MAP3K13: variants seen among roughly 807,000 people sequenced by gnomAD.
The protein encoded by MAP3K13 is mitogen-activated protein kinase kinase kinase 13.
In MAP3K13, 52 loss-of-function variants were observed where a neutral mutation model predicts 104.0. The ratio of observed to expected loss-of-function variants is 0.50; its 90% confidence interval spans 0.40 to 0.63. The LOEUF is 0.63. Among genes scored for constraint, MAP3K13 ranks in the 20% least tolerant of loss-of-function variants. MAP3K13 has a pLI of 0.00. For synonymous variants in MAP3K13, 394 were observed against 442.2 expected (o/e 0.89, Z 1.37); for missense variants, 914 against 1,218.5 (o/e 0.75, Z 3.72).
At chr3:185,446,946 T>C (rs906717004) in intron 4 of MAP3K13, among the ~76,000 whole-genome samples, 5 of 152,192 alleles carry the variant, frequency 3.3e-5, no homozygotes, top group African/African-American at 1.2e-4. Flanking sequence ...TCCAAAACTC[T>C]TGAAGCAAGA....
chr3:185,327,299 C>G (rs1722072233), intron 2 of MAP3K13, among the ~76,000 whole-genome samples: 1 of 152,190 alleles, frequency 6.6e-6, no homozygotes, highest in Non-Finnish European at 1.5e-5. Context: ...TTGGACTCCT[C>G]CGGATAATCT....
rs201316902 is a variant in MAP3K13, at chr3:185,450,701, G to A, written c.1170-586G>A. On this transcript the variant is annotated intron_variant, in intron 6 of 13. Transcript: ENST00000265026. This position sits in a 1 kb window ranked among gnomAD's most constrained non-coding sequence, Gnocchi z 4.2. ...TGTAATCCCAACACTTTGGGAGGCC[G>A]AGGTAGGAGGATCACTTGAACCCAT... is the stretch of plus-strand genomic sequence containing the variant. 6.6e-5 allele frequency among the ~76,000 whole-genome samples: 10 copies of A among 152,254 alleles called. No homozygotes were observed. In the East Asian group the frequency reaches 9.6e-4, roughly 15 times the overall value.
intron 11 of MAP3K13, chr3:185,477,011 C>T: frequency 2.1e-6 from 1 of 482,448 alleles, no homozygotes; most frequent in South Asian, 1.8e-5. Flanking sequence ...AAATCCAAGA[C>T]CTCCTCTCCA....
intron 1 of MAP3K13, among the ~76,000 whole-genome samples, chr3:185,397,612 A>T (rs1712503074): frequency 6.6e-6 from 1 of 152,214 alleles, no homozygotes; most frequent in South Asian, 2.1e-4. Flanking sequence ...AATTGTTTAC[A>T]AAGATCTCCT....
intron 2 of MAP3K13, among the ~76,000 whole-genome samples, chr3:185,311,620 C>T (rs1476550900): frequency 6.6e-6 from 1 of 152,110 alleles, no homozygotes; most frequent in Non-Finnish European, 1.5e-5. Flanking sequence ...ATCAAGGTTC[C>T]CTGATGTCTC....
chr3:185,352,933 A>G (rs1723193067), intron 2 of MAP3K13, among the ~76,000 whole-genome samples: 1 of 152,268 alleles, frequency 6.6e-6, no homozygotes, highest in South Asian at 2.1e-4. Context: ...GGTTGCTGCT[A>G]GTAGCAACTA....
intron 1 of MAP3K13, among the ~76,000 whole-genome samples, chr3:185,385,740 C>T (rs1476054857): frequency 2.0e-5 from 3 of 151,668 alleles, no homozygotes; most frequent in African/African-American, 4.8e-5. Context: ...TGGTGGCTCA[C>T]GCCTATAGTC....
chr3:185,402,586 T>G (rs1040949080), intron 1 of MAP3K13, among the ~76,000 whole-genome samples: 1 of 152,222 alleles, frequency 6.6e-6, no homozygotes, highest in African/African-American at 2.4e-5. Flanking sequence ...TGTTGAATTC[T>G]TAAGATCTCT....
intron 1 of MAP3K13, among the ~76,000 whole-genome samples, chr3:185,407,392 A>G (rs1713173392): frequency 6.6e-6 from 1 of 152,138 alleles, no homozygotes; most frequent in South Asian, 2.1e-4. Context: ...CTCTGTCTCA[A>G]ATGGTGCTAA....
chr3:185,386,171 A>G (rs889587146), intron 1 of MAP3K13, among the ~76,000 whole-genome samples: 15 of 152,196 alleles, frequency 9.9e-5, no homozygotes, highest in African/African-American at 3.6e-4. Context: ...CATCCAACAA[A>G]GGTCTAATAT....
intron 2 of MAP3K13, among the ~76,000 whole-genome samples, chr3:185,307,967 G>A (rs1044114715): frequency 1.6e-5 from 2 of 122,528 alleles, no homozygotes; most frequent in Non-Finnish European, 3.5e-5. Flanking sequence ...ACTATTTTGA[G>A]TTCTTTGTCT....
chr3:185,310,455 A>C (rs1721456951), intron 2 of MAP3K13, among the ~76,000 whole-genome samples: 1 of 152,244 alleles, frequency 6.6e-6, no homozygotes, highest in Non-Finnish European at 1.5e-5. Flanking sequence ...ATACCAGATG[A>C]GGACTTTAAT....
At chr3:185,343,856 C>A (rs1421567610) in intron 2 of MAP3K13, among the ~76,000 whole-genome samples, 1 of 152,228 alleles carries the variant, frequency 6.6e-6, no homozygotes, top group East Asian at 1.9e-4. Context: ...TAGTTAGAAA[C>A]AGCTTGGCAT....
rs1192557101 is a variant in MAP3K13 at position 185,399,661 on chromosome 3, GGGAAGGAAGGAAGGAAGGAA to G, written c.-85-28810_-85-28791del. 4.0e-3 allele frequency among the ~76,000 whole-genome samples: 6 copies of G among 1,516 alleles called. 1 individual carries two copies. The highest frequency in any genetic ancestry group is 0.011 in the African/African-American group (6 of 554). 1.0% of individuals were successfully genotyped at this position (1,516 alleles called of 152,430 possible). A position where few individuals can be genotyped will look rare whatever the true frequency, so the allele number is the denominator to read the frequency against. Reference sequence around the variant, plus strand: ...GGGGGAGGGAGGGAGGAAAAAAGGAGGGAAGGAAGGAAGGAAGGAAGGAAGGAAGGAAGGAAGGAAGGAAG... The same window carrying G: ...GGGGGAGGGAGGGAGGAAAAAAGGAGGGAAGGAAGGAAGGAAGGAAGGAAG... On this transcript the variant is annotated intron_variant, in intron 1 of 13. Coordinates refer to ENST00000265026, the MANE Select transcript of MAP3K13 (RefSeq NM_004721.5).
At chr3:185,466,320 A>G (rs76461174) in intron 9 of MAP3K13, among the ~76,000 whole-genome samples, 6,147 of 151,616 alleles carry the variant, frequency 0.041, 161 homozygotes, top group Non-Finnish European at 0.063. Flanking sequence ...GTCTCAGTGC[A>G]TGAGCTGAAG....
At chr3:185,368,280 T>A (rs1723986238) in intron 1 of MAP3K13, among the ~76,000 whole-genome samples, 1 of 152,246 alleles carries the variant, frequency 6.6e-6, no homozygotes, top group Non-Finnish European at 1.5e-5. Flanking sequence ...CACCAGGTAG[T>A]ATATGTTATA....
intron 4 of MAP3K13, among the ~76,000 whole-genome samples, chr3:185,445,283 C>T (rs2148894016): frequency 6.6e-6 from 1 of 152,302 alleles, no homozygotes; most frequent in South Asian, 2.1e-4. Context: ...TGCCTTTCCT[C>T]CATGGACGGT....
At chr3:185,311,490 A>G (rs1721494497) in intron 2 of MAP3K13, among the ~76,000 whole-genome samples, 1 of 152,154 alleles carries the variant, frequency 6.6e-6, no homozygotes, top group Non-Finnish European at 1.5e-5. Flanking sequence ...ATTGAAGTTG[A>G]GATTTGAATG....
rs574250770 is a variant in MAP3K13, at chr3:185,455,878, G to T, written c.1278+4483G>T. ...TGAGATATATATGAGATATAGATGA[G>T]ATATATGATATAGATGAGATATATA... On this transcript the variant is annotated intron_variant, in intron 7 of 13. Transcript: ENST00000265026. Among the ~76,000 whole-genome samples, 498 of 123,360 alleles carry T rather than the reference G, an allele frequency of 4.0e-3. 7 individuals carry two copies. The highest frequency in any genetic ancestry group is 7.7e-3 in the South Asian group (31 of 4,026). The allele number at this position is 123,360 out of a possible 152,430, so 80.9% of individuals were successfully genotyped here.
Sources: gnomAD v4.1 joint callset for allele counts (sites outside exome capture counted in the v4.1 genomes callset) on GRCh38, gnomAD v4.1.1 for gene constraint, Gnocchi (gnomAD v3.1) non-coding constraint, MANE v1.5 for transcripts, NCBI Gene and HGNC (gene_info 2026-07-23, HGNC 2026-07-21) for gene names.